The following EIF2B3 variants were observed in gnomAD, a reference collection of about 807,000 sequenced individuals.
EIF2B3 encodes eukaryotic translation initiation factor 2B subunit gamma.
EIF2B3 carries 20 observed loss-of-function variants against 54.1 expected under a neutral mutation model. That is an observed-to-expected ratio of 0.37 (90% CI 0.26 to 0.54). The LOEUF (loss-of-function observed/expected upper bound fraction) is 0.54. EIF2B3 is among the 20% of genes least tolerant of loss of function. EIF2B3 has a pLI of 0.86. For missense variants in EIF2B3, 448 were observed against 547.8 expected (o/e 0.82, Z 1.82); for synonymous variants, 153 against 188.1 (o/e 0.81, Z 1.52).
intron 3 of EIF2B3, among the ~76,000 whole-genome samples, chr1:44,971,005 G>A (rs1385698335): frequency 1.3e-5 from 2 of 152,158 alleles, no homozygotes; most frequent in Admixed American, 6.6e-5. Context: ...AACGGGTAAC[G>A]GAGGAACAGA....
At chr1:44,865,614 T>A (rs1386349666) in intron 10 of EIF2B3, among the ~76,000 whole-genome samples, 4 of 151,970 alleles carry the variant, frequency 2.6e-5, no homozygotes, top group African/African-American at 4.8e-5. Context: ...GGAGTTTTGC[T>A]CTTGTTGCTC....
At chr1:44,910,724 T>C (rs1379087750) in intron 5 of EIF2B3, among the ~76,000 whole-genome samples, 2 of 147,684 alleles carry the variant, frequency 1.4e-5, no homozygotes, top group Non-Finnish European at 3.0e-5. Flanking sequence ...CAAGCAATCC[T>C]TCCACCTCAG....
rs747049484 is a variant in EIF2B3, at chr1:44,978,459, T to C, written c.150A>G (p.Glu50=). Residue 50 remains glutamate (E), a splice_region_variant and synonymous_variant, in exon 3 of 12, where the codon GAA becomes GAG. Coordinates refer to ENST00000360403, the MANE Select transcript of EIF2B3 (RefSeq NM_020365.5). ...LNLLERVGFE[E]VIVVTTRDVQ... Reference sequence around the variant, plus strand: ...CATCCCTGGTTGTAACCACAATGACTTCTATAGGACAAAAGAAAAAAAGAA... The same window carrying C: ...CATCCCTGGTTGTAACCACAATGACCTCTATAGGACAAAAGAAAAAAAGAA... 13 of 1,612,850 alleles carry C rather than the reference T, an allele frequency of 8.1e-6. No individual in the cohort carries two copies. The Admixed American group carries it at 1.8e-4, about 23-fold the overall frequency.
intron 3 of EIF2B3, among the ~76,000 whole-genome samples, chr1:44,975,622 A>G (rs72676600): frequency 0.14 from 21,661 of 152,214 alleles, 1,696 homozygotes; most frequent in Non-Finnish European, 0.17. Context: ...AAAAATCGTT[A>G]TGTGGCACAT....
chr1:44,890,197 G>A (rs1655749001), intron 6 of EIF2B3, among the ~76,000 whole-genome samples: 1 of 152,042 alleles, frequency 6.6e-6, no homozygotes, highest in Non-Finnish European at 1.5e-5. Flanking sequence ...TTGATTTTGG[G>A]GGTCTGTTTT....
chr1:44,897,469 A>C, intron 5 of EIF2B3, 25 bp from the exon 6 acceptor site: 1 of 1,556,802 alleles, frequency 6.4e-7, no homozygotes. Context: ...AAAATAAAAG[A>C]AAGAAAGAAG....
At chr1:44,890,375 T>C (rs1325818132) in intron 6 of EIF2B3, among the ~76,000 whole-genome samples, 4 of 152,198 alleles carry the variant, frequency 2.6e-5, no homozygotes, top group Admixed American at 6.5e-5. Context: ...TTTATACATA[T>C]GTTATGTGTG....
intron 4 of EIF2B3, among the ~76,000 whole-genome samples, chr1:44,929,264 T>A (rs754020039): frequency 4.6e-5 from 7 of 152,210 alleles, no homozygotes; most frequent in Non-Finnish European, 8.8e-5. Context: ...ATTTGCTTCC[T>A]ACTGACAGAC....
intron 5 of EIF2B3, among the ~76,000 whole-genome samples, chr1:44,898,472 A>C (rs1656052169): frequency 6.6e-6 from 1 of 152,228 alleles, no homozygotes; most frequent in Non-Finnish European, 1.5e-5. Flanking sequence ...TTGTTGAATA[A>C]ACAAATAAAT....
chr1:44,913,312 C>T (rs72885239), intron 5 of EIF2B3, among the ~76,000 whole-genome samples: 1 of 151,798 alleles, frequency 6.6e-6, no homozygotes, highest in African/African-American at 2.4e-5. Context: ...AAAAAAAATC[C>T]AAAACAAAAC....
chr1:44,914,633 A>G (rs896026326), intron 5 of EIF2B3, among the ~76,000 whole-genome samples: 6 of 152,206 alleles, frequency 3.9e-5, no homozygotes, highest in Non-Finnish European at 7.3e-5. Flanking sequence ...GATTTTAGAG[A>G]ATTACTAAGA....
intron 3 of EIF2B3, chr1:44,958,487 T>C (rs1450521729): frequency 1.1e-5 from 9 of 838,826 alleles, no homozygotes; most frequent in Middle Eastern, 3.6e-4. Flanking sequence ...ATCCTGGATA[T>C]ACAGTAGATG....
At chr1:44,872,658 A>C (rs185146137) in intron 10 of EIF2B3, among the ~76,000 whole-genome samples, 3 of 152,080 alleles carry the variant, frequency 2.0e-5, no homozygotes, top group Non-Finnish European at 4.4e-5. Context: ...TTGAAAAAAA[A>C]CAAAAAAACA....
chr1:44,869,084 G>A (rs1654875371), intron 10 of EIF2B3, among the ~76,000 whole-genome samples: 1 of 152,214 alleles, frequency 6.6e-6, no homozygotes, highest in Non-Finnish European at 1.5e-5. Context: ...TCTTTAGAAA[G>A]ACAATGTTGG....
At chr1:44,958,800 CAA>C in intron 3 of EIF2B3, 1 of 1,291,858 alleles carries the variant, frequency 7.7e-7, no homozygotes, top group Non-Finnish European at 1.1e-6. Context: ...AGGACTGCGA[CAA>C]GAGATCGTGT....
chr1:44,913,335 C>G (rs750283576), intron 5 of EIF2B3, among the ~76,000 whole-genome samples: 1 of 151,980 alleles, frequency 6.6e-6, no homozygotes, highest in Non-Finnish European at 1.5e-5. Flanking sequence ...TTACTTCTTT[C>G]TTCGCAGAAT....
intron 8 of EIF2B3, 130 bp downstream of exon 8, chr1:44,879,688 C>T: frequency 9.4e-7 from 1 of 1,069,154 alleles, no homozygotes; most frequent in Non-Finnish European, 1.4e-6. Context: ...CTTGACGTGC[C>T]AGGTCTTGCT....
intron 3 of EIF2B3, among the ~76,000 whole-genome samples, chr1:44,957,622 G>T (rs768434728): frequency 3.3e-5 from 5 of 152,012 alleles, no homozygotes; most frequent in Non-Finnish European, 4.4e-5. Context: ...TCAGCTGGGC[G>T]TGGTGGCATG....
At chr1:44,921,903 T>A (rs1225867914) in intron 5 of EIF2B3, among the ~76,000 whole-genome samples, 1 of 150,672 alleles carries the variant, frequency 6.6e-6, no homozygotes, top group South Asian at 2.1e-4. Flanking sequence ...TATATTTTTT[T>A]ATTTTATTTT....
Sources: gnomAD v4.1 joint callset for allele counts (sites outside exome capture counted in the v4.1 genomes callset) on GRCh38, gnomAD v4.1.1 for gene constraint, MANE v1.5 for transcripts, NCBI Gene and HGNC (gene_info 2026-07-23, HGNC 2026-07-21) for gene names.